The following MAP3K13 variants were observed in gnomAD, a reference collection of about 807,000 sequenced individuals.
MAP3K13 encodes mitogen-activated protein kinase kinase kinase 13, also known as leucine zipper-bearing kinase.
Under a neutral mutation model 104.0 loss-of-function variants are expected in MAP3K13, and 52 were observed. The ratio of observed to expected loss-of-function variants is 0.50; its 90% CI spans 0.40 to 0.63. The LOEUF is 0.63. Ranked by LOEUF, MAP3K13 falls within the 20% of genes least tolerant of loss-of-function variation. The probability of loss-of-function intolerance (pLI) is 0.00; values close to 1 mark genes in which losing one functional copy is unlikely to be tolerated. For synonymous variants in MAP3K13, 394 were observed against 442.2 expected (o/e 0.89, Z 1.37); for missense variants, 914 against 1,218.5 (o/e 0.75, Z 3.72).
chr3:185,370,830 G>T (rs1211862233), intron 1 of MAP3K13, among the ~76,000 whole-genome samples: 1 of 150,628 alleles, frequency 6.6e-6, no homozygotes, highest in Non-Finnish European at 1.5e-5. Flanking sequence ...TAATCCAGTA[G>T]CCTCAGTTTG....
intron 1 of MAP3K13, among the ~76,000 whole-genome samples, chr3:185,375,148 G>A (rs35583485): frequency 0.16 from 23,682 of 152,114 alleles, 2,291 homozygotes; most frequent in Non-Finnish European, 0.21. Context: ...AGCCCAAACC[G>A]AGGAATTATG....
chr3:185,309,214 C>T (rs1390099338), intron 2 of MAP3K13, among the ~76,000 whole-genome samples: 1 of 152,026 alleles, frequency 6.6e-6, no homozygotes, highest in African/African-American at 2.4e-5. Flanking sequence ...CACCACTGCT[C>T]ATAAAAAGAT....
chr3:185,473,449 C>T lies in MAP3K13; in HGVS notation c.2118C>T (p.Asp706=). The T allele has an allele frequency of 6.2e-7, 1 of 1,614,226 alleles. No homozygotes were observed. Among genetic ancestry groups the T allele is most frequent in the East Asian group, 2.2e-5 (1 of 44,882 alleles). The change falls in exon 11 of 14, where the codon GAC becomes GAT. Residue 706 remains aspartate (D), a synonymous_variant. Coordinates refer to ENST00000265026, the MANE Select transcript of MAP3K13 (RefSeq NM_004721.5). This position sits in a 1 kb window ranked among gnomAD's most constrained non-coding sequence, Gnocchi z 4.9. ...TCATCTCCACAGCCATGGCTGCAGA[C>T]TGCTGGAGAAGTTCTGAGCCTGACA... ...PDLISTAMAA[D]CWRSSEPDKG... is the part of the protein sequence containing the mutation.
intron 11 of MAP3K13, among the ~76,000 whole-genome samples, chr3:185,476,156 G>A (rs1257055127): frequency 6.6e-6 from 1 of 151,836 alleles, no homozygotes; most frequent in Non-Finnish European, 1.5e-5. Flanking sequence ...ATGTATCTTT[G>A]AACCTTTCTC....
At position 185,486,651 on chromosome 3, in the gene MAP3K13, GAA is replaced by G. The variant is rs1251823154; in HGVS notation, c.*4197_*4198del. The G allele has an allele frequency of 1.3e-5, 2 of 152,336 alleles. No individual in the cohort carries two copies. The highest frequency in any genetic ancestry group is 4.8e-5 in the African/African-American group (2 of 41,568). The allele number at this position is 152,336 out of a possible 1,614,324, so 9.4% of individuals were successfully genotyped here. A position where few individuals can be genotyped will look rare whatever the true frequency, so the allele number is the denominator to read the frequency against. ...GTGATTTCAAGCTGCTTCATTGATG[GAA>G]AGTTTCACCATCTTGGGATGAATGT... On this transcript the variant is annotated 3_prime_UTR_variant, in exon 14 of 14. Coordinates refer to ENST00000265026, the MANE Select transcript of MAP3K13 (RefSeq NM_004721.5).
chr3:185,479,539 A>G (rs1718327741), intron 12 of MAP3K13, among the ~76,000 whole-genome samples: 1 of 152,212 alleles, frequency 6.6e-6, no homozygotes, highest in Non-Finnish European at 1.5e-5. Context: ...TACTATGCAT[A>G]TATGTACATA....
chr3:185,424,125 G>A (rs1303124739), intron 1 of MAP3K13, among the ~76,000 whole-genome samples: 1 of 152,172 alleles, frequency 6.6e-6, no homozygotes, highest in Non-Finnish European at 1.5e-5. Flanking sequence ...AGATTGCCTG[G>A]TACAGGAGAG....
At chr3:185,345,998 C>T (rs1208782273) in intron 2 of MAP3K13, among the ~76,000 whole-genome samples, 1 of 152,056 alleles carries the variant, frequency 6.6e-6, no homozygotes, top group African/African-American at 2.4e-5. Context: ...TTTTGTTTTA[C>T]CTCACATACC....
intron 10 of MAP3K13, among the ~76,000 whole-genome samples, chr3:185,469,521 A>C (rs1300993303): frequency 1.3e-5 from 2 of 152,204 alleles, no homozygotes; most frequent in Non-Finnish European, 2.9e-5. Context: ...CAGAATTTTG[A>C]ATCTGGGACA....
In MAP3K13 at chr3:185,486,860, G is replaced by T. The variant is rs1287500447; in HGVS notation, c.*4404G>T. On this transcript the variant is annotated 3_prime_UTR_variant, in exon 14 of 14. Transcript: ENST00000265026. ...CCTGCATCTACTTTGAAATTATAAT[G>T]GACCTTACCACCACTTAAGTTTAGA... is the stretch of plus-strand genomic sequence containing the variant. The T allele has an allele frequency of 1.9e-4, 29 of 152,152 alleles. No homozygotes were observed. Among genetic ancestry groups the T allele is most frequent in the Admixed American group, 1.9e-3 (29 of 15,280 alleles). 9.4% of individuals were successfully genotyped at this position (152,152 alleles called of 1,614,324 possible). A position where few individuals can be genotyped will look rare whatever the true frequency, so the allele number is the denominator to read the frequency against.
intron 3 of MAP3K13, among the ~76,000 whole-genome samples, chr3:185,442,584 A>C (rs1160737959): frequency 6.7e-6 from 1 of 149,952 alleles, no homozygotes; most frequent in East Asian, 2.0e-4. Flanking sequence ...CCCAGGATGG[A>C]GTGCAGTGGC....
rs1715435126 is a variant in MAP3K13, at chr3:185,443,488, T to A, written c.703T>A (p.Tyr235Asn). The change falls in exon 4 of 14, where the codon TAC becomes AAC. Residue 235 changes from tyrosine (Y) to asparagine (N), a missense_variant. Tyr to Asn is a moderately radical substitution (Grantham distance 143). Around this residue, in one of 3 missense-constraint regions of MAP3K13, gnomAD observed 175 missense variants for 321.3 expected, o/e 0.54. Transcript: ENST00000265026. ...QAPCYCIIME[Y>N]CAHGQLYEVL... The stretch of plus-strand genomic sequence containing the variant: ...CCCATGTTATTGTATTATCATGGAA[T>A]ACTGTGCCCATGGACAACTCTACGA... The A allele has an allele frequency of 6.2e-7, 1 of 1,614,066 alleles. No individual in the cohort carries two copies. Among genetic ancestry groups the A allele is most frequent in the Admixed American group, 1.7e-5 (1 of 59,994 alleles).
chr3:185,441,938 G>A (rs1715345230), intron 3 of MAP3K13, among the ~76,000 whole-genome samples: 1 of 151,906 alleles, frequency 6.6e-6, no homozygotes, highest in South Asian at 2.1e-4. Context: ...CTACCCGGGA[G>A]GCTGAGACAG....
At chr3:185,407,675 G>A (rs910934605) in intron 1 of MAP3K13, among the ~76,000 whole-genome samples, 12 of 151,940 alleles carry the variant, frequency 7.9e-5, no homozygotes, top group African/African-American at 2.2e-4. Flanking sequence ...GAATTAAGGG[G>A]GAAGAAAGCT....
chr3:185,365,491 A>G (rs1723827155), intron 1 of MAP3K13, among the ~76,000 whole-genome samples: 1 of 152,182 alleles, frequency 6.6e-6, no homozygotes. Flanking sequence ...AAAACCGGTC[A>G]GTTTGGTTTG....
At position 185,299,492 on chromosome 3, in the gene MAP3K13, G is replaced by A. The variant is rs138574069; in HGVS notation, c.-86+13849G>A. Among the ~76,000 whole-genome samples, 321 of 152,108 alleles carry A rather than the reference G, an allele frequency of 2.1e-3. 5 individuals are homozygous for A. Among genetic ancestry groups the A allele is most frequent in the African/African-American group, 7.0e-3 (290 of 41,434 alleles). ...TGTGCTGTGTAACAACATTTCAGTC[G>A]ATGACCCCATCTTCATATTGCTATC... On this transcript the variant is annotated intron_variant, in intron 2 of 14. Coordinates refer to the MAP3K13 transcript ENST00000424227.
Position 185,315,345 on chromosome 3 carries a change from A to G in MAP3K13, c.-86+29702A>G, listed in dbSNP as rs554645495. 2.9e-4 allele frequency among the ~76,000 whole-genome samples: 44 copies of G among 152,310 alleles called. No homozygotes were observed. In the South Asian group the frequency reaches 8.9e-3, roughly 31 times the overall value. On this transcript the variant is annotated intron_variant, in intron 2 of 14. Transcript: ENST00000424227. This position sits in a 1 kb window ranked among gnomAD's most constrained non-coding sequence, Gnocchi z 4.3. ...AACCACCCTAGAGGAGTAACTTAAC[A>G]AAAAGGGGAGAGAATGTATGTGTGT... is the stretch of plus-strand genomic sequence containing the variant.
chr3:185,476,188 C>T (rs765876468), intron 11 of MAP3K13, among the ~76,000 whole-genome samples: 8 of 151,960 alleles, frequency 5.3e-5, no homozygotes, highest in East Asian at 1.9e-4. Context: ...ATACCATCTA[C>T]GGGTCTTTAG....
intron 10 of MAP3K13, among the ~76,000 whole-genome samples, chr3:185,469,768 A>C (rs1442863383): frequency 6.6e-6 from 1 of 152,176 alleles, no homozygotes; most frequent in East Asian, 1.9e-4. Flanking sequence ...AGACCTACTA[A>C]ATCAAAGTCT....
Sources: gnomAD v4.1 joint callset for allele counts (sites outside exome capture counted in the v4.1 genomes callset) on GRCh38, gnomAD v4.1.1 for gene constraint, gnomAD v4.1.1 regional missense constraint, Gnocchi (gnomAD v3.1) non-coding constraint, MANE v1.5 for transcripts, NCBI Gene and HGNC (gene_info 2026-07-23, HGNC 2026-07-21) for gene names.